The following AKAP14 variants were observed in gnomAD, a reference collection of about 807,000 sequenced individuals.
AKAP14 encodes A-kinase anchoring protein 14.
A neutral mutation model predicts 17.0 loss-of-function variants in AKAP14; 4 were observed. The observed-to-expected ratio is 0.23, with a 90% CI of 0.12 to 0.54. The LOEUF is 0.54. AKAP14 is among the 20% of genes least tolerant of loss of function. The pLI is 0.95. For synonymous variants in AKAP14, 42 were observed against 51.3 expected (o/e 0.82, Z 0.77); for missense variants, 129 against 150.9 (o/e 0.85, Z 0.76).
chrX:119,914,001 A>G (rs769840233), intron 4 of AKAP14, among the ~76,000 whole-genome samples: 243 of 110,986 alleles, frequency 2.2e-3, no homozygotes, highest in Non-Finnish European at 3.7e-3. Context: ...TTGGGAGGCC[A>G]AGGTGGGTAA....
chrX:119,898,593 C>G (rs1276748285), intron 2 of AKAP14, among the ~76,000 whole-genome samples: 4 of 108,929 alleles, frequency 3.7e-5, no homozygotes, highest in Non-Finnish European at 5.7e-5. Context: ...GTCAGGAGTT[C>G]AAGACCAGCC....
Position 119,905,054 on chromosome X carries a change from A to G in AKAP14, c.261+1468A>G, listed in dbSNP as rs764224732. Among the ~76,000 whole-genome samples, 3 of 110,580 alleles carry G rather than the reference A, an allele frequency of 2.7e-5. No homozygotes were observed. In the East Asian group the frequency reaches 8.6e-4, roughly 32 times the overall value. On this transcript the variant is annotated intron_variant, in intron 4 of 6. Transcript: ENST00000371431. ...TGACAGAGTGAGACCCTGTCTCAAAAAAAAAAAAGGCTTGAAATCCTTCTC... is the reference window on the plus strand; with the variant it reads ...TGACAGAGTGAGACCCTGTCTCAAAGAAAAAAAAGGCTTGAAATCCTTCTC...
At chrX:119,906,225 CTTTTTT>C (rs10637499) in intron 4 of AKAP14, among the ~76,000 whole-genome samples, 1 of 50,885 alleles carries the variant, frequency 2.0e-5, no homozygotes, top group Non-Finnish European at 3.3e-5. Flanking sequence ...CCTGGCATTT[CTTTTTT>C]TTTTTTTTTT....
At chrX:119,907,657 C>G (rs748045457) in intron 4 of AKAP14, among the ~76,000 whole-genome samples, 28 of 108,806 alleles carry the variant, frequency 2.6e-4, no homozygotes, top group African/African-American at 9.3e-4. Flanking sequence ...TGAGGTCTCA[C>G]TTTGTTGCTC....
chrX:119,908,566 A>G (rs926594848), intron 4 of AKAP14, among the ~76,000 whole-genome samples: 2 of 112,188 alleles, frequency 1.8e-5, no homozygotes, highest in Non-Finnish European at 3.8e-5. Context: ...ACCCGTTTCT[A>G]TTACCCCAAA....
intron 5 of AKAP14, among the ~76,000 whole-genome samples, chrX:119,916,878 C>T (rs1483293658): frequency 1.4e-4 from 14 of 100,045 alleles, no homozygotes; most frequent in African/African-American, 4.6e-4. Flanking sequence ...GAGGCTTACG[C>T]GGGCAGATCA....
intron 5 of AKAP14, among the ~76,000 whole-genome samples, chrX:119,917,665 A>C (rs954760337): frequency 1.8e-5 from 2 of 110,983 alleles, no homozygotes; most frequent in Non-Finnish European, 3.8e-5. Flanking sequence ...CTGTAGTCCC[A>C]GCTACTTGGG....
intron 5 of AKAP14, among the ~76,000 whole-genome samples, chrX:119,917,755 G>A (rs761662138): frequency 2.7e-5 from 3 of 112,021 alleles, no homozygotes; most frequent in African/African-American, 6.5e-5. Context: ...CTCCAGCCTG[G>A]GTGACAGAGT....
At chrX:119,920,095 A>C in intron 6 of AKAP14, 132 bp downstream of exon 6, 6 of 634,391 alleles carry the variant, frequency 9.5e-6, no homozygotes, top group Non-Finnish European at 1.2e-5. Flanking sequence ...CAAGCCCATT[A>C]GAATGGGCTG....
rs908826989 is a variant in AKAP14, at chrX:119,901,495, A to T, written c.-10-1719A>T. 4.5e-5 allele frequency among the ~76,000 whole-genome samples: 5 copies of T among 110,730 alleles called. No homozygotes were observed. In the Admixed American group the frequency reaches 4.8e-4, roughly 11 times the overall value. ...CAAAGTGGGTGGATCACTTGAGGTCAGGAGTTCAAGACCAGCCTGGCCAAC... is the reference window on the plus strand; with the variant it reads ...CAAAGTGGGTGGATCACTTGAGGTCTGGAGTTCAAGACCAGCCTGGCCAAC... On this transcript the variant is annotated intron_variant, in intron 2 of 6. Coordinates refer to ENST00000371431, the MANE Select transcript of AKAP14 (RefSeq NM_178813.6).
At chrX:119,912,672 T>C (rs1418212211) in intron 4 of AKAP14, among the ~76,000 whole-genome samples, 1 of 111,184 alleles carries the variant, frequency 9.0e-6, no homozygotes, top group Non-Finnish European at 1.9e-5. Flanking sequence ...ATTACAGGCG[T>C]GAGCCACTGT....
chrX:119,903,124 GTGATTCTTCAAGAGA>G (rs1309438891), intron 2 of AKAP14, 75 bp from the exon 3 acceptor site: 2 of 935,533 alleles, frequency 2.1e-6, no homozygotes, highest in Non-Finnish European at 2.9e-6. Context: ...CCTGTCTCTT[GTGATTCTTCAAGAGA>G]TGATCTGTAC....
intron 2 of AKAP14, among the ~76,000 whole-genome samples, chrX:119,898,095 G>C: frequency 9.0e-6 from 1 of 111,606 alleles, no homozygotes; most frequent in Admixed American, 9.5e-5. Flanking sequence ...CCCAGGAGGC[G>C]GACGTTGCAG....
intron 4 of AKAP14, among the ~76,000 whole-genome samples, chrX:119,907,988 T>C (rs1253124110): frequency 8.9e-6 from 1 of 112,085 alleles, no homozygotes; most frequent in Non-Finnish European, 1.9e-5. Flanking sequence ...AAACCTGGTA[T>C]CAGAAGGCTG....
chrX:119,898,518 G>C (rs1463958813), intron 2 of AKAP14, among the ~76,000 whole-genome samples: 1 of 110,937 alleles, frequency 9.0e-6, no homozygotes. Flanking sequence ...TTGTCCGGGC[G>C]TGGTGGCTCA....
At chrX:119,911,430 G>T (rs758089292) in intron 4 of AKAP14, among the ~76,000 whole-genome samples, 2 of 110,903 alleles carry the variant, frequency 1.8e-5, no homozygotes, top group Non-Finnish European at 3.8e-5. Context: ...GTACTATGCG[G>T]GGATGTCTCA....
chrX:119,899,340 C>T (rs1408669460), intron 2 of AKAP14, among the ~76,000 whole-genome samples: 1 of 110,994 alleles, frequency 9.0e-6, no homozygotes, highest in East Asian at 2.8e-4. Flanking sequence ...GGCCCTCTGT[C>T]TGTGACTCAG....
chrX:119,903,787 C>A, intron 4 of AKAP14: 2 of 733,803 alleles, frequency 2.7e-6, no homozygotes, highest in Non-Finnish European at 3.9e-6. Context: ...CAATCACAAT[C>A]ATTTTCCCTG....
chrX:119,899,440 G>A (rs1463047917), intron 2 of AKAP14, among the ~76,000 whole-genome samples: 1 of 111,427 alleles, frequency 9.0e-6, no homozygotes, highest in Non-Finnish European at 1.9e-5. Context: ...TGGCCAGATT[G>A]CAGGGCAACA....
Sources: gnomAD v4.1 joint callset for allele counts (sites outside exome capture counted in the v4.1 genomes callset) on GRCh38, gnomAD v4.1.1 for gene constraint, MANE v1.5 for transcripts, NCBI Gene and HGNC (gene_info 2026-07-23, HGNC 2026-07-21) for gene names.